The following CD226 variants were observed in gnomAD, a reference collection of about 807,000 sequenced individuals.
The protein encoded by CD226 is CD226 antigen.
A neutral mutation model predicts 34.9 loss-of-function variants in CD226; 24 were observed. The observed-to-expected ratio is 0.69, with a 90% CI of 0.50 to 0.97. CD226 has a LOEUF of 0.97. Among genes scored for constraint, CD226 ranks in the 50% least tolerant of loss-of-function variants. The pLI, the probability that CD226 is intolerant of heterozygous loss-of-function variation, is 0.00. For synonymous variants in CD226, 148 were observed against 147.4 expected, an observed-to-expected ratio of 1.00 and a Z score of -0.03; for missense variants, 397 against 412.7, an observed-to-expected ratio of 0.96 and a Z score of 0.33.
chr18:69,878,463 G>T (rs1984012914), intron 3 of CD226, among the ~76,000 whole-genome samples: 1 of 151,952 alleles, frequency 6.6e-6, no homozygotes, highest in Non-Finnish European at 1.5e-5. Flanking sequence ...AATATTGCCA[G>T]TCCCTTCTTC....
At chr18:69,932,713 A>C (rs2055604012) in intron 2 of CD226, among the ~76,000 whole-genome samples, 5 of 152,250 alleles carry the variant, frequency 3.3e-5, no homozygotes, top group Admixed American at 3.3e-4. Context: ...CTCATGAGTA[A>C]GCTCTCGTGT....
At chr18:69,955,597 G>T (rs1288656213) in intron 1 of CD226, among the ~76,000 whole-genome samples, 1 of 152,128 alleles carries the variant, frequency 6.6e-6, no homozygotes, top group African/African-American at 2.4e-5. Context: ...GCCGGGTGCG[G>T]TGGCTCACGC....
intron 2 of CD226, among the ~76,000 whole-genome samples, chr18:69,943,847 C>G (rs116937896): frequency 0.025 from 3,855 of 152,146 alleles, 76 homozygotes; most frequent in Admixed American, 0.061. Context: ...TGTAAAATTC[C>G]GCACATAATA....
intron 2 of CD226, among the ~76,000 whole-genome samples, chr18:69,919,638 C>A (rs1180753464): frequency 6.6e-6 from 1 of 152,110 alleles, no homozygotes; most frequent in Non-Finnish European, 1.5e-5. Context: ...GTAAATGGCA[C>A]CAGGCAAAGC....
chr18:69,911,167 T>A (rs542727732), intron 2 of CD226, among the ~76,000 whole-genome samples: 12 of 152,320 alleles, frequency 7.9e-5, no homozygotes, highest in African/African-American at 2.9e-4. Context: ...AGGTCCATGT[T>A]GGCACATGTG....
chr18:69,857,503 C>T lies in CD226; in HGVS notation c.*6811G>A, dbSNP rs928107504. Reference sequence around the variant, plus strand: ...AGTCACTGTAAGTACTTTTGGATACCTGGCATAAAGGATGTAATGAATACA... The same window carrying T: ...AGTCACTGTAAGTACTTTTGGATACTTGGCATAAAGGATGTAATGAATACA... On this transcript the variant is annotated 3_prime_UTR_variant, in exon 6 of 6. Transcript: ENST00000582621. 6.6e-6 allele frequency: 1 copy of T among 152,132 alleles called. No homozygotes were observed. The highest frequency in any genetic ancestry group is 2.4e-5 in the African/African-American group (1 of 41,400). 9.4% of individuals were successfully genotyped at this position (152,132 alleles called of 1,614,324 possible). A position where few individuals can be genotyped will look rare whatever the true frequency, so the allele number is the denominator to read the frequency against.
At chr18:69,941,913 G>A (rs1308522267) in intron 2 of CD226, among the ~76,000 whole-genome samples, 2 of 152,140 alleles carry the variant, frequency 1.3e-5, no homozygotes, top group Non-Finnish European at 2.9e-5. Context: ...TTGTGGGAAG[G>A]ACCCGGTGGG....
At position 69,892,362 on chromosome 18, in the gene CD226, C is replaced by A. The variant is rs148498390; in HGVS notation, c.727+3339G>T. 1.5e-3 allele frequency among the ~76,000 whole-genome samples: 235 copies of A among 152,170 alleles called. 2 individuals are homozygous for A. The highest frequency in any genetic ancestry group is 5.6e-3 in the African/African-American group (233 of 41,514). ...GGCACCTAAAATACTTCTCTTATGA[C>A]AAATGAAAATCCAGAGGATGTTAAG... is the stretch of plus-strand genomic sequence containing the variant. On this transcript the variant is annotated intron_variant, in intron 3 of 5. Coordinates refer to ENST00000582621, the MANE Select transcript of CD226 (RefSeq NM_001303618.2).
chr18:69,895,882 G>A lies in CD226; in HGVS notation c.546C>T (p.Val182=). 1 of 1,614,164 alleles carries A rather than the reference G, an allele frequency of 6.2e-7. No individual in the cohort carries two copies. Among genetic ancestry groups the A allele is most frequent in the Non-Finnish European group, 8.5e-7 (1 of 1,180,028 alleles). Residue 182 remains valine (V), a synonymous_variant, in exon 3 of 6, where the codon GTC becomes GTT. Transcript: ENST00000582621. Reference sequence around the variant, plus strand: ...ACTTGGAGGTGAAATTTCTGCCATGGACCAAGTTGCAGTAAGTTAAGAGGT... The same window carrying A: ...ACTTGGAGGTGAAATTTCTGCCATGAACCAAGTTGCAGTAAGTTAAGAGGT... ...QIDLLTYCNL[V]HGRNFTSKFP...
chr18:69,881,545 T>C (rs970688416), intron 3 of CD226, among the ~76,000 whole-genome samples: 3 of 152,226 alleles, frequency 2.0e-5, no homozygotes, highest in African/African-American at 7.2e-5. Flanking sequence ...AAATCAAGCA[T>C]GCAGAGGTGG....
At chr18:69,920,303 G>A (rs898194296) in intron 2 of CD226, among the ~76,000 whole-genome samples, 27 of 152,134 alleles carry the variant, frequency 1.8e-4, no homozygotes, top group African/African-American at 6.5e-4. Context: ...TTGATAAAAA[G>A]ACTAGAGGTC....
chr18:69,880,985 T>C (rs919342407), intron 3 of CD226, among the ~76,000 whole-genome samples: 10 of 152,126 alleles, frequency 6.6e-5, no homozygotes, highest in Admixed American at 5.2e-4. Context: ...AGAGTCTCTA[T>C]AGTCAATAAT....
rs1320039905 is a variant in CD226, at chr18:69,864,227, G to C, written c.*87C>G. ...ATTCAGACAACTAGTATCTAAGGTA[G>C]ACCTTGGGTAGTGGAAAAAAATTGC... On this transcript the variant is annotated 3_prime_UTR_variant, in exon 6 of 6. Transcript: ENST00000582621. The C allele has an allele frequency of 8.4e-7, 1 of 1,197,474 alleles. No homozygotes were observed. Among genetic ancestry groups the C allele is most frequent in the East Asian group, 2.4e-5 (1 of 41,902 alleles). The allele number at this position is 1,197,474 out of a possible 1,614,324, so 74.2% of individuals were successfully genotyped here. A position where few individuals can be genotyped will look rare whatever the true frequency, so the allele number is the denominator to read the frequency against.
chr18:69,952,092 C>A (rs1378949577), upstream of CD226, among the ~76,000 whole-genome samples: 1 of 152,104 alleles, frequency 6.6e-6, no homozygotes, highest in Non-Finnish European at 1.5e-5. Context: ...TACTACACAG[C>A]CCTAAAAAGA....
At chr18:69,905,664 C>T (rs540909387) in intron 2 of CD226, among the ~76,000 whole-genome samples, 1 of 152,254 alleles carries the variant, frequency 6.6e-6, no homozygotes, top group East Asian at 1.9e-4. Flanking sequence ...TTCCTTCATC[C>T]ACAAAGATTA....
At chr18:69,905,861 G>C (rs1027939170) in intron 2 of CD226, among the ~76,000 whole-genome samples, 2 of 152,212 alleles carry the variant, frequency 1.3e-5, no homozygotes, top group Non-Finnish European at 2.9e-5. Flanking sequence ...AGTTTCAGAA[G>C]CAGCTATTGC....
chr18:69,905,212 G>A (rs2055237424), intron 2 of CD226, among the ~76,000 whole-genome samples: 1 of 152,132 alleles, frequency 6.6e-6, no homozygotes, highest in Non-Finnish European at 1.5e-5. Flanking sequence ...CTGCAGCAGG[G>A]CAGGATCTCA....
At position 69,856,138 on chromosome 18, in the gene CD226, T is replaced by TA. The variant is rs1982603511; in HGVS notation, c.*8175dup. On this transcript the variant is annotated 3_prime_UTR_variant, in exon 6 of 6. Transcript: ENST00000582621. ...ATGTGAGATGCTAATGTTAATTTTT[T>TA]AAAAAACTGAAAGTTATGTTAATAT... The TA allele has an allele frequency of 6.6e-6, 1 of 152,102 alleles. No homozygotes were observed. Among genetic ancestry groups the TA allele is most frequent in the Non-Finnish European group, 1.5e-5 (1 of 67,982 alleles). 9.4% of individuals were successfully genotyped at this position (152,102 alleles called of 1,614,324 possible).
intron 5 of CD226, among the ~76,000 whole-genome samples, chr18:69,865,502 A>G (rs756584367): frequency 1.3e-5 from 2 of 150,748 alleles, no homozygotes; most frequent in African/African-American, 2.4e-5. Flanking sequence ...GCTCCCTTTC[A>G]TTCCCCAAAT....
Sources: gnomAD v4.1 joint callset for allele counts (sites outside exome capture counted in the v4.1 genomes callset) on GRCh38, gnomAD v4.1.1 for gene constraint, MANE v1.5 for transcripts, NCBI Gene and HGNC (gene_info 2026-07-23, HGNC 2026-07-21) for gene names.